The following GRIK1 variants were observed in gnomAD, a reference collection of about 807,000 sequenced individuals.
GRIK1 encodes the protein glutamate ionotropic receptor kainate type subunit 1, also known as glutamate receptor ionotropic, kainate 1.
GRIK1 carries 69 observed loss-of-function variants against 105.7 expected under a neutral mutation model. That is an observed-to-expected ratio of 0.65 (90% confidence interval 0.54 to 0.80). The LOEUF is 0.80. Ranked by LOEUF, GRIK1 falls within the 30% of genes least tolerant of loss-of-function variation. The pLI is 0.00. For missense variants in GRIK1, 1,109 were observed against 1,167.3 expected, an observed-to-expected ratio of 0.95 and a Z score of 0.73; for synonymous variants, 438 against 431.3, an observed-to-expected ratio of 1.02 and a Z score of -0.19.
chr21:29,553,863 A>G (rs2146122762), intron 16 of GRIK1, among the ~76,000 whole-genome samples: 1 of 152,318 alleles, frequency 6.6e-6, no homozygotes, highest in South Asian at 2.1e-4. Flanking sequence ...AATTAGTTGC[A>G]TAAAACAAGA....
At chr21:29,755,144 A>T (rs1270799000) in intron 1 of GRIK1, among the ~76,000 whole-genome samples, 1 of 152,216 alleles carries the variant, frequency 6.6e-6, no homozygotes, top group African/African-American at 2.4e-5. Context: ...ATAAAAACAA[A>T]TATTTGTCTT....
chr21:29,693,437 T>TA (rs930234510), intron 2 of GRIK1, among the ~76,000 whole-genome samples: 31 of 151,696 alleles, frequency 2.0e-4, no homozygotes, highest in African/African-American at 7.3e-4. Context: ...TGGAAAAGAG[T>TA]AAAAAAAAGT....
At chr21:29,870,925 C>T (rs1220546499) in intron 1 of GRIK1, among the ~76,000 whole-genome samples, 2 of 152,034 alleles carry the variant, frequency 1.3e-5, no homozygotes, top group Non-Finnish European at 2.9e-5. Flanking sequence ...GGCTTACCTC[C>T]TGCCCTTCAC....
At chr21:29,841,560 T>C (rs1307379726) in intron 1 of GRIK1, among the ~76,000 whole-genome samples, 2 of 152,254 alleles carry the variant, frequency 1.3e-5, no homozygotes, top group African/African-American at 4.8e-5. Context: ...AATGATTCCA[T>C]CTTTAGCCGT....
intron 1 of GRIK1, among the ~76,000 whole-genome samples, chr21:29,791,509 T>G (rs930443484): frequency 6.7e-6 from 1 of 149,842 alleles, no homozygotes; most frequent in Non-Finnish European, 1.5e-5. Flanking sequence ...AGAAGGGAAG[T>G]GGGGGGGGAA....
intron 1 of GRIK1, among the ~76,000 whole-genome samples, chr21:29,712,953 C>T (rs1174839387): frequency 6.6e-6 from 1 of 151,522 alleles, no homozygotes; most frequent in Admixed American, 6.6e-5. Flanking sequence ...TACCATTGTT[C>T]ACATTGAGAT....
chr21:29,623,134 C>A (rs555811069), intron 7 of GRIK1, among the ~76,000 whole-genome samples: 2 of 152,248 alleles, frequency 1.3e-5, no homozygotes, highest in South Asian at 4.1e-4. Flanking sequence ...TTCCACATGG[C>A]TGGGGAAGCC....
chr21:29,887,185 T>C (rs1200447574), intron 1 of GRIK1, among the ~76,000 whole-genome samples: 1 of 152,218 alleles, frequency 6.6e-6, no homozygotes, highest in Non-Finnish European at 1.5e-5. Flanking sequence ...AGCTAGAGTG[T>C]TATGAGTTTT....
intron 7 of GRIK1, among the ~76,000 whole-genome samples, chr21:29,632,361 G>T (rs2062296915): frequency 2.6e-5 from 4 of 151,948 alleles, no homozygotes; most frequent in Non-Finnish European, 1.5e-5. Context: ...TAGGTATTCA[G>T]TAAATACTTT....
intron 1 of GRIK1, among the ~76,000 whole-genome samples, chr21:29,874,832 T>G (rs1423124510): frequency 1.3e-5 from 2 of 152,228 alleles, no homozygotes; most frequent in Non-Finnish European, 2.9e-5. Flanking sequence ...CCGTGGGTCA[T>G]CTGGGTTCCA....
At chr21:29,848,779 A>ATATATATATATATATATATTTTTTTT in intron 1 of GRIK1, among the ~76,000 whole-genome samples, 3 of 77,880 alleles carry the variant, frequency 3.9e-5, no homozygotes, top group African/African-American at 1.8e-4. Flanking sequence ...ATATATATAT[A>ATATATATATATATATATATTTTTTTT]TTTTTTTTTT....
chr21:29,540,466 G>A (rs2089950896), intron 16 of GRIK1, among the ~76,000 whole-genome samples: 2 of 152,148 alleles, frequency 1.3e-5, no homozygotes, highest in African/African-American at 4.8e-5. Flanking sequence ...TAGTCACAAG[G>A]AAAGGTGACC....
chr21:29,592,751 G>T (rs1179345362), intron 9 of GRIK1, among the ~76,000 whole-genome samples: 1 of 152,152 alleles, frequency 6.6e-6, no homozygotes, highest in Non-Finnish European at 1.5e-5. Flanking sequence ...AACAAGAAAG[G>T]ACATTGAAAT....
intron 1 of GRIK1, among the ~76,000 whole-genome samples, chr21:29,790,655 G>A (rs1394492085): frequency 1.3e-5 from 2 of 151,926 alleles, no homozygotes; most frequent in Non-Finnish European, 2.9e-5. Flanking sequence ...GTCTCACTAT[G>A]TCAGTCAGGC....
chr21:29,685,454 T>G (rs2063470461), intron 3 of GRIK1, among the ~76,000 whole-genome samples: 1 of 152,194 alleles, frequency 6.6e-6, no homozygotes, highest in Admixed American at 6.5e-5. Flanking sequence ...TTTTTTTGTT[T>G]TTTTTTAATG....
chr21:29,636,658 G>C (rs2062403450), intron 7 of GRIK1, among the ~76,000 whole-genome samples: 1 of 152,182 alleles, frequency 6.6e-6, no homozygotes, highest in African/African-American at 2.4e-5. Context: ...TATTTCTCTT[G>C]AATAAATCTG....
intron 1 of GRIK1, among the ~76,000 whole-genome samples, chr21:29,933,897 T>C (rs2071656833): frequency 6.6e-6 from 1 of 152,144 alleles, no homozygotes; most frequent in Non-Finnish European, 1.5e-5. Context: ...ACATAAATAA[T>C]ATATCCTATG....
chr21:29,847,513 G>A (rs962892018), intron 1 of GRIK1, among the ~76,000 whole-genome samples: 2 of 152,200 alleles, frequency 1.3e-5, no homozygotes, highest in African/African-American at 4.8e-5. Context: ...AGAATCCCTT[G>A]AACCTGGGAG....
chr21:29,541,185 C>T (rs1428228563), intron 16 of GRIK1, among the ~76,000 whole-genome samples: 1 of 152,182 alleles, frequency 6.6e-6, no homozygotes, highest in Non-Finnish European at 1.5e-5. Context: ...CCGGGATGGT[C>T]TTGATCTCCT....
Sources: allele counts gnomAD v4.1 joint callset (sites outside exome capture counted in the v4.1 genomes callset), GRCh38; gene constraint gnomAD v4.1.1; transcripts MANE v1.5; gene names NCBI Gene and HGNC (gene_info 2026-07-23, HGNC 2026-07-21).